Variants in GLG1 observed in about 807,000 individuals in gnomAD.
GLG1 encodes the protein Golgi apparatus protein 1.
Under a neutral mutation model 160.5 loss-of-function variants are expected in GLG1, and 38 were observed. The observed-to-expected ratio is 0.24, with a 90% CI of 0.18 to 0.31. The LOEUF is 0.31. Among genes scored for constraint, GLG1 ranks in the 10% least tolerant of loss-of-function variants. The pLI is 1.00. For missense variants in GLG1, 1,373 were observed against 1,505.2 expected (o/e 0.91, Z 1.45); for synonymous variants, 644 against 543.4 (o/e 1.19, Z -2.57).
At chr16:74,454,907 A>G (rs2014473760) in intron 25 of GLG1, among the ~76,000 whole-genome samples, 1 of 151,754 alleles carries the variant, frequency 6.6e-6, no homozygotes, top group South Asian at 2.1e-4. Flanking sequence ...GGCCGAGACC[A>G]GCCTGGACAA....
chr16:74,582,795 G>C (rs1000008857), intron 1 of GLG1, among the ~76,000 whole-genome samples: 1 of 151,702 alleles, frequency 6.6e-6, no homozygotes. Context: ...ACTCCAGCCT[G>C]GGTGACAAGA....
chr16:74,528,948 G>A (rs2017437110), intron 2 of GLG1, among the ~76,000 whole-genome samples: 1 of 147,826 alleles, frequency 6.8e-6, no homozygotes, highest in Non-Finnish European at 1.5e-5. Flanking sequence ...TTCGAATACT[G>A]CTTCTATCCC....
intron 1 of GLG1, among the ~76,000 whole-genome samples, chr16:74,596,214 T>C (rs1297803939): frequency 6.7e-6 from 1 of 148,506 alleles, no homozygotes; most frequent in Non-Finnish European, 1.5e-5. Flanking sequence ...AGAGCGAGAC[T>C]CTGTCTCAAA....
chr16:74,505,731 T>C (rs1461361041), intron 3 of GLG1, among the ~76,000 whole-genome samples: 3 of 152,192 alleles, frequency 2.0e-5, no homozygotes, highest in East Asian at 3.8e-4. Flanking sequence ...GGCGTGCGCC[T>C]GTAGTCCCAG....
intron 1 of GLG1, among the ~76,000 whole-genome samples, chr16:74,593,427 G>A (rs931172628): frequency 7.4e-6 from 1 of 136,038 alleles, no homozygotes; most frequent in Admixed American, 8.5e-5. Context: ...TGAAGTACCA[G>A]AGCTTTTTTT....
chr16:74,589,483 TAAAATATTTTCCCA>T (rs1958126624), intron 1 of GLG1, among the ~76,000 whole-genome samples: 2 of 152,042 alleles, frequency 1.3e-5, no homozygotes, highest in East Asian at 3.9e-4. Context: ...ACCACTGATA[TAAAATATTTTCCCA>T]AAAATAACAC....
chr16:74,491,739 G>A (rs2015998349), intron 7 of GLG1, among the ~76,000 whole-genome samples: 1 of 146,722 alleles, frequency 6.8e-6, no homozygotes, highest in Admixed American at 7.0e-5. Flanking sequence ...TTGGGTTCAC[G>A]CCATTCTCCT....
At chr16:74,519,624 C>T (rs950568794) in intron 2 of GLG1, among the ~76,000 whole-genome samples, 22 of 150,900 alleles carry the variant, frequency 1.5e-4, no homozygotes, top group African/African-American at 5.1e-4. Context: ...TTTTATTCAC[C>T]CTTAAAATTT....
chr16:74,552,945 G>A (rs1245927140), intron 1 of GLG1, among the ~76,000 whole-genome samples: 12 of 152,066 alleles, frequency 7.9e-5, no homozygotes, highest in African/African-American at 2.6e-4. Flanking sequence ...TTGGCCAGGC[G>A]CAGTGGCTCA....
At position 74,494,840 on chromosome 16, in the gene GLG1, T is replaced by C. The variant is rs1189920355; in HGVS notation, c.979-9A>G. 7.5e-7 allele frequency: 1 copy of C among 1,338,304 alleles called. No homozygotes were observed. The highest frequency in any genetic ancestry group is 1.1e-6 in the Non-Finnish European group (1 of 928,792). 82.9% of individuals were successfully genotyped at this position (1,338,304 alleles called of 1,614,324 possible). A position where few individuals can be genotyped will look rare whatever the true frequency, so the allele number is the denominator to read the frequency against. On this transcript the variant is annotated splice_polypyrimidine_tract_variant and intron_variant, in intron 5 of 25. Coordinates refer to ENST00000422840, the MANE Select transcript of GLG1 (RefSeq NM_001145667.2). ...CCCTCACCAGCTTGTGTCTATAAGA[T>C]GGAACATACACATTATTATTACTTT...
intron 10 of GLG1, among the ~76,000 whole-genome samples, chr16:74,481,400 A>G (rs968674067): frequency 1.3e-5 from 2 of 152,190 alleles, no homozygotes; most frequent in African/African-American, 4.8e-5. Flanking sequence ...AGTTAATGGG[A>G]GAAAAAAGCT....
chr16:74,463,696 C>T (rs1376628689), intron 19 of GLG1, among the ~76,000 whole-genome samples: 5 of 151,692 alleles, frequency 3.3e-5, no homozygotes, highest in Admixed American at 1.3e-4. Context: ...GGATTACAGG[C>T]GTGCGTCACC....
chr16:74,518,960 T>C (rs540415593), intron 2 of GLG1, among the ~76,000 whole-genome samples: 1 of 152,274 alleles, frequency 6.6e-6, no homozygotes, highest in East Asian at 1.9e-4. Flanking sequence ...AGAAATACCA[T>C]TTGACCCAGC....
chr16:74,498,834 C>A (rs940215641), intron 4 of GLG1, among the ~76,000 whole-genome samples: 9 of 114,046 alleles, frequency 7.9e-5, no homozygotes, highest in Non-Finnish European at 1.5e-4. Flanking sequence ...CACTGCACTC[C>A]AGCATAGACA....
intron 5 of GLG1, among the ~76,000 whole-genome samples, chr16:74,495,188 G>A (rs1331509619): frequency 1.3e-5 from 2 of 149,864 alleles, no homozygotes; most frequent in African/African-American, 2.5e-5. Flanking sequence ...ATCTTAGCTC[G>A]GTGCAACCTC....
intron 2 of GLG1, among the ~76,000 whole-genome samples, chr16:74,511,739 T>C (rs2016815147): frequency 6.6e-6 from 1 of 152,158 alleles, no homozygotes; most frequent in South Asian, 2.1e-4. Flanking sequence ...TCAGATGTCC[T>C]ACAATTGAGC....
intron 12 of GLG1, among the ~76,000 whole-genome samples, chr16:74,476,450 C>T (rs1021321935): frequency 6.6e-6 from 1 of 152,152 alleles, no homozygotes; most frequent in Admixed American, 6.5e-5. Context: ...GAGTAGGCAA[C>T]CATGTTTCTC....
chr16:74,465,636 G>T (rs1334663000), intron 19 of GLG1, 40 bp downstream of exon 19: 5 of 1,600,932 alleles, frequency 3.1e-6, no homozygotes, highest in Non-Finnish European at 4.3e-6. Context: ...TTGTTGTTTT[G>T]TTGTTCATCC....
intron 1 of GLG1, among the ~76,000 whole-genome samples, 169 bp downstream of exon 1, chr16:74,606,488 T>G (rs4438331): frequency 0.86 from 131,058 of 152,138 alleles, 56,628 homozygotes; most frequent in African/African-American, 0.94. Context: ...GTGGGAGTGG[T>G]ATCCTTTTCC....
Sources: allele counts gnomAD v4.1 joint callset (sites outside exome capture counted in the v4.1 genomes callset), GRCh38; gene constraint gnomAD v4.1.1; transcripts MANE v1.5; gene names NCBI Gene and HGNC (gene_info 2026-07-23, HGNC 2026-07-21).